The following ANO1 variants were observed in gnomAD, a reference collection of about 807,000 sequenced individuals.
ANO1 encodes the protein anoctamin 1.
In ANO1, 59 loss-of-function variants were observed where a neutral mutation model predicts 124.0. That is an observed-to-expected ratio of 0.48 (90% CI 0.39 to 0.59). ANO1 has a LOEUF of 0.59. Among genes scored for constraint, ANO1 ranks in the 20% least tolerant of loss-of-function variants. The probability of loss-of-function intolerance (pLI) is 0.00; values close to 1 mark genes in which losing one functional copy is unlikely to be tolerated. For missense variants in ANO1, 1,059 were observed against 1,328.0 expected, an observed-to-expected ratio of 0.80 and a Z score of 3.15; for synonymous variants, 529 against 532.0, an observed-to-expected ratio of 0.99 and a Z score of 0.08.
At chr11:70,160,118 T>C (rs1057302557) in intron 16 of ANO1, among the ~76,000 whole-genome samples, 1 of 152,104 alleles carries the variant, frequency 6.6e-6, no homozygotes, top group Admixed American at 6.5e-5. Context: ...CTGCCTGTCC[T>C]GGGAGCCACC....
intron 11 of ANO1, among the ~76,000 whole-genome samples, chr11:70,145,712 A>T (rs1400369851): frequency 1.3e-5 from 2 of 152,116 alleles, no homozygotes; most frequent in African/African-American, 4.8e-5. Context: ...TGAGGCAGGC[A>T]GATCACGTGA....
upstream of ANO1, among the ~76,000 whole-genome samples, chr11:69,981,946 T>G (rs1257906276): frequency 2.0e-5 from 3 of 152,294 alleles, no homozygotes; most frequent in Middle Eastern, 6.8e-3. Context: ...CCATGTAATG[T>G]ATGATTCCAT....
At chr11:70,071,313 G>A (rs1857869110) in intron 1 of ANO1, among the ~76,000 whole-genome samples, 1 of 152,122 alleles carries the variant, frequency 6.6e-6, no homozygotes, top group South Asian at 2.1e-4. Context: ...GTTACAAAGT[G>A]TGTCAGTGCC....
At chr11:70,168,093 T>C (rs569594211) in intron 21 of ANO1, among the ~76,000 whole-genome samples, 3 of 152,210 alleles carry the variant, frequency 2.0e-5, no homozygotes, top group African/African-American at 7.2e-5. Flanking sequence ...CACATACCTT[T>C]TGGGGGTGGC....
Position 70,155,997 on chromosome 11 carries a change from C to T in ANO1, c.1503+9C>T. On this transcript the variant is annotated intron_variant, in intron 15 of 25. Transcript: ENST00000355303. ...TGGCGGGGGTGAAATTGGTACTTTT[C>T]TATTTTGCGGGCAGCGCGCGTCTTG... The T allele has an allele frequency of 1.3e-6, 2 of 1,512,640 alleles. No homozygotes were observed. Among genetic ancestry groups the T allele is most frequent in the Non-Finnish European group, 8.8e-7 (1 of 1,130,436 alleles). 93.7% of individuals were successfully genotyped at this position (1,512,640 alleles called of 1,614,324 possible).
rs139256375 is a variant in ANO1 at position 70,009,137 on chromosome 11, C to G, written c.58+22971C>G. On this transcript the variant is annotated intron_variant, in intron 1 of 27. Transcript: ENST00000531349. ...CTTAGCAGGTTTTTATTATTTCCTTCTCTTAACACCCAGCAGAATTTATGC... is the reference window on the plus strand; with the variant it reads ...CTTAGCAGGTTTTTATTATTTCCTTGTCTTAACACCCAGCAGAATTTATGC... Among the ~76,000 whole-genome samples, 248 of 152,316 alleles carry G rather than the reference C, an allele frequency of 1.6e-3. 1 individual carries two copies. The highest frequency in any genetic ancestry group is 5.7e-3 in the African/African-American group (235 of 41,562).
intron 22 of ANO1, among the ~76,000 whole-genome samples, chr11:70,176,906 G>A (rs888875179): frequency 2.0e-5 from 3 of 152,120 alleles, no homozygotes; most frequent in Admixed American, 6.5e-5. Flanking sequence ...GGCGGATCCC[G>A]TGGGCTGGGG....
chr11:70,160,029 G>T (rs1187110260), intron 16 of ANO1, among the ~76,000 whole-genome samples: 1 of 152,152 alleles, frequency 6.6e-6, no homozygotes, highest in Non-Finnish European at 1.5e-5. Context: ...TCTGAAAGCT[G>T]CAGACACCCT....
intron 1 of ANO1, among the ~76,000 whole-genome samples, chr11:70,031,982 C>T (rs943938685): frequency 9.9e-5 from 15 of 152,158 alleles, no homozygotes; most frequent in Non-Finnish European, 1.9e-4. Flanking sequence ...CATTTACTCA[C>T]TGCTTCGTTG....
intron 22 of ANO1, among the ~76,000 whole-genome samples, chr11:70,172,634 C>T (rs946164550): frequency 2.6e-5 from 4 of 152,066 alleles, no homozygotes; most frequent in Non-Finnish European, 5.9e-5. Context: ...CTTTGGGAGG[C>T]GGAAGCAGGT....
intron 1 of ANO1, among the ~76,000 whole-genome samples, chr11:70,007,916 C>T (rs1201465463): frequency 1.3e-5 from 2 of 152,074 alleles, no homozygotes; most frequent in South Asian, 2.1e-4. Flanking sequence ...TTATTTTATG[C>T]TTCGGGTTAT....
At chr11:69,992,790 C>A (rs774490042) in intron 1 of ANO1, among the ~76,000 whole-genome samples, 1 of 152,212 alleles carries the variant, frequency 6.6e-6, no homozygotes, top group East Asian at 1.9e-4. Flanking sequence ...TTGTTCCCCT[C>A]GTCAACGTCT....
chr11:70,160,075 G>A (rs1043218206), intron 16 of ANO1, among the ~76,000 whole-genome samples: 3 of 152,002 alleles, frequency 2.0e-5, no homozygotes, highest in African/African-American at 7.2e-5. Context: ...CTGCAACTGG[G>A]AGACACACAG....
upstream of ANO1, among the ~76,000 whole-genome samples, chr11:69,985,515 C>T (rs1393030232): frequency 2.0e-5 from 3 of 152,152 alleles, no homozygotes; most frequent in Non-Finnish European, 4.4e-5. Flanking sequence ...TCTTCTGATG[C>T]GGGAACCAGG....
the ANO1 span, among the ~76,000 whole-genome samples, chr11:69,979,975 T>A: frequency 6.6e-6 from 1 of 152,172 alleles, no homozygotes; most frequent in Non-Finnish European, 1.5e-5. Flanking sequence ...GGGAATTGAA[T>A]AACATTAGCT....
chr11:70,106,117 G>A (rs1199437374), intron 5 of ANO1, among the ~76,000 whole-genome samples: 1 of 152,190 alleles, frequency 6.6e-6, no homozygotes, highest in Non-Finnish European at 1.5e-5. Context: ...GTGGGATTGT[G>A]CGTGCCTGAC....
At chr11:70,113,065 G>C (rs75494523) in intron 7 of ANO1, among the ~76,000 whole-genome samples, 2 of 152,016 alleles carry the variant, frequency 1.3e-5, no homozygotes, top group Admixed American at 6.5e-5. Context: ...GAGCAGCCCC[G>C]CTTCCTCCCT....
intron 1 of ANO1, 52 bp downstream of exon 1, chr11:70,078,766 G>A: frequency 2.4e-6 from 3 of 1,263,300 alleles, no homozygotes; most frequent in South Asian, 3.4e-5. Flanking sequence ...CCTGCGCCTT[G>A]GCGAGGGCGG....
At chr11:70,173,478 A>G (rs188763058) in intron 22 of ANO1, among the ~76,000 whole-genome samples, 13 of 152,278 alleles carry the variant, frequency 8.5e-5, no homozygotes, top group African/African-American at 3.1e-4. Flanking sequence ...CCCTCCGAAG[A>G]CCCTGCTAAC....
Sources: allele counts gnomAD v4.1 joint callset (sites outside exome capture counted in the v4.1 genomes callset), GRCh38; gene constraint gnomAD v4.1.1; transcripts MANE v1.5; gene names NCBI Gene and HGNC (gene_info 2026-07-23, HGNC 2026-07-21).